The following NKD2 variants were observed in gnomAD, a reference collection of about 807,000 sequenced individuals.
NKD2 encodes protein naked cuticle homolog 2.
Under a neutral mutation model 34.8 loss-of-function variants are expected in NKD2, and 43 were observed. The observed-to-expected ratio is 1.24, with a 90% CI of 0.97 to 1.60. The LOEUF is 1.60. Among genes scored for constraint, NKD2 ranks in the 40% most tolerant of loss-of-function variants. NKD2 has a pLI of 0.00. For synonymous variants in NKD2, 278 were observed against 265.1 expected (o/e 1.05, Z -0.47); for missense variants, 675 against 627.1 (o/e 1.08, Z -0.82).
At chr5:1,031,656 T>C (rs1030362057) in intron 3 of NKD2, among the ~76,000 whole-genome samples, 2 of 152,106 alleles carry the variant, frequency 1.3e-5, no homozygotes, top group African/African-American at 4.8e-5. Flanking sequence ...CGCTGGGATG[T>C]GTTTGAAGTT....
rs201265852 is a variant in NKD2 at position 1,035,178 on chromosome 5, ATGAG to A, written c.575-205_575-202del. Among the ~76,000 whole-genome samples the A allele has an allele frequency of 3.6e-3, 549 of 151,940 alleles. 1 individual carries two copies. The highest frequency in any genetic ancestry group is 7.1e-3 in the African/African-American group (293 of 41,292). ...TTAATGAATGAGTGAGTGTTAATGA[ATGAG>A]TGAGTTAATGAGTGAACGAGTGAGT... On this transcript the variant is annotated intron_variant, in intron 7 of 9. Transcript: ENST00000296849.
intron 4 of NKD2, among the ~76,000 whole-genome samples, chr5:1,032,579 C>T (rs2150746280): frequency 6.6e-6 from 1 of 152,356 alleles, no homozygotes; most frequent in Admixed American, 6.5e-5. Flanking sequence ...CTGGCCCAGC[C>T]TAAGTCACTG....
chr5:1,021,805 T>A (rs1756202007), intron 3 of NKD2, among the ~76,000 whole-genome samples: 1 of 152,000 alleles, frequency 6.6e-6, no homozygotes, highest in African/African-American at 2.4e-5. Flanking sequence ...ATGGTGACAT[T>A]TTGGAGAGGC....
Position 1,037,864 on chromosome 5 carries a change from C to A in NKD2, c.847C>A (p.Arg283=). Residue 283 remains arginine, a synonymous_variant, in exon 10 of 10, where the codon CGG becomes AGG. Coordinates refer to ENST00000296849, the MANE Select transcript of NKD2 (RefSeq NM_033120.4). The part of the protein sequence containing the change: ...PQGRASHLQA[R]SRSQEPDTHA... ...GGGCAGGGCCTCGCACCTCCAGGCC[C>A]GGTCCCGCTCCCAGGAGCCAGATAC... The A allele has an allele frequency of 1.2e-6, 2 of 1,601,092 alleles. No individual in the cohort carries two copies. The highest frequency in any genetic ancestry group is 1.7e-6 in the Non-Finnish European group (2 of 1,177,440).
At position 1,014,326 on chromosome 5, in the gene NKD2, G is replaced by A. The variant is rs368997402; in HGVS notation, c.141+4766G>A. On this transcript the variant is annotated intron_variant, in intron 3 of 9. Transcript: ENST00000296849. Reference sequence around the variant, plus strand: ...ATCATCAGCCCTGCAGCTTTGGGCCGCCGTATGCCTGCATTAGGGTGTTGG... The same window carrying A: ...ATCATCAGCCCTGCAGCTTTGGGCCACCGTATGCCTGCATTAGGGTGTTGG... Among the ~76,000 whole-genome samples, 33 of 152,204 alleles carry A rather than the reference G, an allele frequency of 2.2e-4. 1 individual carries two copies. In the East Asian group the frequency reaches 2.9e-3, roughly 13 times the overall value.
Position 1,038,563 on chromosome 5 carries a change from C to T in NKD2, c.*190C>T, listed in dbSNP as rs767401283. Reference sequence around the variant, plus strand: ...GCACCTTGGACACGTGGACAAGGCCCAGGCGCCCTCTGCTCTTCTGCCCTC... The same window carrying T: ...GCACCTTGGACACGTGGACAAGGCCTAGGCGCCCTCTGCTCTTCTGCCCTC... On this transcript the variant is annotated 3_prime_UTR_variant, in exon 10 of 10. Coordinates refer to ENST00000296849, the MANE Select transcript of NKD2 (RefSeq NM_033120.4). The surrounding 1 kb of genome is among the most constrained non-coding windows in gnomAD (Gnocchi z 4.5). 9 of 1,182,050 alleles carry T rather than the reference C, an allele frequency of 7.6e-6. No homozygotes were observed. Among genetic ancestry groups the T allele is most frequent in the African/African-American group, 3.0e-5 (2 of 65,928 alleles). The allele number at this position is 1,182,050 out of a possible 1,614,324, so 73.2% of individuals were successfully genotyped here. A position where few individuals can be genotyped will look rare whatever the true frequency, so the allele number is the denominator to read the frequency against.
At chr5:1,017,921 G>A (rs185399026) in intron 3 of NKD2, among the ~76,000 whole-genome samples, 19 of 152,034 alleles carry the variant, frequency 1.2e-4, no homozygotes, top group African/African-American at 4.3e-4. Flanking sequence ...TGCAGGGCCT[G>A]TGGTGCTGGG....
intron 3 of NKD2, among the ~76,000 whole-genome samples, chr5:1,018,311 G>GC (rs1208258216): frequency 6.6e-6 from 1 of 152,190 alleles, no homozygotes; most frequent in African/African-American, 2.4e-5. Flanking sequence ...CACCCACCCT[G>GC]CAAGCCATGT....
At chr5:1,034,029 G>C (rs961663457) in intron 5 of NKD2, 8 of 592,244 alleles carry the variant, frequency 1.4e-5, no homozygotes, top group Admixed American at 1.2e-4. Flanking sequence ...CACAAAGCTG[G>C]GTCCCCCCAA....
chr5:1,018,843 G>A (rs550209676), intron 3 of NKD2, among the ~76,000 whole-genome samples: 1 of 152,326 alleles, frequency 6.6e-6, no homozygotes, highest in South Asian at 2.1e-4. Flanking sequence ...CTCGGGGTCT[G>A]TTTGCCTGTC....
intron 3 of NKD2, among the ~76,000 whole-genome samples, chr5:1,025,862 C>T (rs1756370051): frequency 9.1e-6 from 1 of 109,364 alleles, no homozygotes; most frequent in Admixed American, 9.4e-5. Context: ...GCTCTTCCCA[C>T]CCGCTGTGGG....
chr5:1,037,585 GT>G, intron 9 of NKD2: 1 of 1,535,962 alleles, frequency 6.5e-7, no homozygotes, highest in Non-Finnish European at 8.7e-7. Flanking sequence ...GGCTAGAGGA[GT>G]CGGCCTTTGC....
At chr5:1,018,327 G>A (rs1050693864) in intron 3 of NKD2, among the ~76,000 whole-genome samples, 1 of 152,154 alleles carries the variant, frequency 6.6e-6, no homozygotes, top group African/African-American at 2.4e-5. Flanking sequence ...CATGTTCCTC[G>A]GGCTCCGAGC....
rs142131496 is a variant in NKD2 at position 1,034,284 on chromosome 5, C to T, written c.380C>T (p.Thr127Met). The T allele has an allele frequency of 2.0e-5, 33 of 1,612,634 alleles. 1 individual carries two copies. Among genetic ancestry groups the T allele is most frequent in the Admixed American group, 1.7e-4 (10 of 59,922 alleles). Residue 127 changes from threonine (T) to methionine (M), a missense_variant, in exon 6 of 10, where the codon ACG becomes ATG. Transcript: ENST00000296849. ...SVEEDDRQEW[T>M]FTLYDFDNCG... ...GAGGAGGACGACCGCCAGGAGTGGA[C>T]GTTCACGCTCTATGACTTTGACAAC...
At chr5:1,036,063 G>A (rs976732527) in intron 8 of NKD2, 194 bp from the exon 9 acceptor site, 30 of 1,291,836 alleles carry the variant, frequency 2.3e-5, no homozygotes, top group Middle Eastern at 2.9e-4. Context: ...TCTGGGGGTC[G>A]GCTGTGACCT....
chr5:1,010,993 G>A (rs1223671848), intron 3 of NKD2, among the ~76,000 whole-genome samples: 2 of 152,350 alleles, frequency 1.3e-5, no homozygotes, highest in Non-Finnish European at 2.9e-5. Context: ...GAAAATGCAG[G>A]TGCTCCTCAT....
chr5:1,028,648 G>A (rs1031286902), intron 3 of NKD2, among the ~76,000 whole-genome samples: 1 of 152,160 alleles, frequency 6.6e-6, no homozygotes, highest in Admixed American at 6.5e-5. Context: ...GGTTCTCAGG[G>A]ATGCAGAGCA....
Position 1,009,448 on chromosome 5 carries a change from C to A in NKD2, c.62-33C>A. 6.7e-7 allele frequency: 1 copy of A among 1,481,948 alleles called. No homozygotes were observed. The allele number at this position is 1,481,948 out of a possible 1,614,324, so 91.8% of individuals were successfully genotyped here. On this transcript the variant is annotated intron_variant, in intron 2 of 9. Coordinates refer to ENST00000296849, the MANE Select transcript of NKD2 (RefSeq NM_033120.4). The surrounding 1 kb of genome is among the most constrained non-coding windows in gnomAD (Gnocchi z 6.9). Reference sequence around the variant, plus strand: ...GGCGCGTCTCTTTCCCTCCTCGGTGCGGGTTTCCCGCGCGTCCGCCCCCGG... The same window carrying A: ...GGCGCGTCTCTTTCCCTCCTCGGTGAGGGTTTCCCGCGCGTCCGCCCCCGG...
intron 3 of NKD2, among the ~76,000 whole-genome samples, chr5:1,015,334 G>A (rs756996327): frequency 2.2e-4 from 34 of 152,362 alleles, no homozygotes; most frequent in Non-Finnish European, 3.7e-4. Flanking sequence ...CGTCCTTCCT[G>A]TAGAGAGGAA....
Sources: allele counts gnomAD v4.1 joint callset (sites outside exome capture counted in the v4.1 genomes callset), GRCh38; gene constraint gnomAD v4.1.1; non-coding constraint Gnocchi (gnomAD v3.1); transcripts MANE v1.5; gene names NCBI Gene and HGNC (gene_info 2026-07-23, HGNC 2026-07-21).